The following EFNA5 variants were observed in gnomAD, a reference collection of about 807,000 sequenced individuals.
EFNA5 encodes ephrin A5.
A neutral mutation model predicts 22.9 loss-of-function variants in EFNA5; 5 were observed. That is an observed-to-expected ratio of 0.22 (90% confidence interval 0.11 to 0.46). The LOEUF is 0.46. Among genes scored for constraint, EFNA5 ranks in the 20% least tolerant of loss-of-function variants. The pLI is 0.99. For missense variants in EFNA5, 237 were observed against 293.3 expected (o/e 0.81, Z 1.40); for synonymous variants, 113 against 112.2 (o/e 1.01, Z -0.04).
chr5:107,582,158 A>T (rs1749086283), intron 1 of EFNA5, among the ~76,000 whole-genome samples: 2 of 152,214 alleles, frequency 1.3e-5, no homozygotes, highest in Non-Finnish European at 2.9e-5. Flanking sequence ...TCTAATAGAG[A>T]GATAAAATAT....
intron 1 of EFNA5, among the ~76,000 whole-genome samples, chr5:107,669,316 CAGTGAAAA>C (rs1310448875): frequency 6.6e-6 from 1 of 151,984 alleles, no homozygotes; most frequent in Non-Finnish European, 1.5e-5. Context: ...CACTCCAGCC[CAGTGAAAA>C]ACCTGTGACT....
chr5:107,661,872 C>A (rs565974750), intron 1 of EFNA5, among the ~76,000 whole-genome samples: 4 of 152,126 alleles, frequency 2.6e-5, no homozygotes, highest in African/African-American at 9.7e-5. Context: ...AATTATCCAA[C>A]CTAACTATGC....
intron 1 of EFNA5, among the ~76,000 whole-genome samples, chr5:107,503,752 A>G (rs896075203): frequency 6.6e-6 from 1 of 152,196 alleles, no homozygotes. Flanking sequence ...TAAAATTATT[A>G]TCTTCATAAC....
chr5:107,412,676 T>C (rs1370378658), intron 2 of EFNA5, among the ~76,000 whole-genome samples: 1 of 152,218 alleles, frequency 6.6e-6, no homozygotes, highest in East Asian at 1.9e-4. Context: ...TTGTACACGT[T>C]CAACTGACCA....
At chr5:107,666,700 T>A (rs1171756274) in intron 1 of EFNA5, among the ~76,000 whole-genome samples, 2 of 152,138 alleles carry the variant, frequency 1.3e-5, no homozygotes, top group Non-Finnish European at 2.9e-5. Flanking sequence ...TGCTGTATTA[T>A]TTGACTATTG....
rs996954665 is a variant in EFNA5, at chr5:107,544,706, C to T, written c.126-117197G>A. On this transcript the variant is annotated intron_variant, in intron 1 of 4. Coordinates refer to ENST00000333274, the MANE Select transcript of EFNA5 (RefSeq NM_001962.3). ...TGGGATATTCCTCAGTTATGGCACT[C>T]GTCACGTCACCCCATACTAGAATTA... is the stretch of plus-strand genomic sequence containing the variant. 2.6e-5 allele frequency among the ~76,000 whole-genome samples: 4 copies of T among 152,174 alleles called. No individual in the cohort carries two copies. In the East Asian group the frequency reaches 5.8e-4, roughly 22 times the overall value.
At chr5:107,569,588 T>TATATATATATATATATATAA (rs1748751796) in intron 1 of EFNA5, among the ~76,000 whole-genome samples, 2 of 92,360 alleles carry the variant, frequency 2.2e-5, no homozygotes, top group African/African-American at 3.6e-5. Context: ...TATATATATA[T>TATATATATATATATATATAA]ATATATATTC....
chr5:107,642,962 G>T (rs891776663), intron 1 of EFNA5, among the ~76,000 whole-genome samples: 1 of 148,502 alleles, frequency 6.7e-6, no homozygotes, highest in Non-Finnish European at 1.5e-5. Context: ...TAATCTAGAC[G>T]ATCTTGAAGG....
intron 1 of EFNA5, among the ~76,000 whole-genome samples, chr5:107,543,823 C>T (rs984535922): frequency 2.0e-5 from 3 of 152,150 alleles, no homozygotes; most frequent in Non-Finnish European, 4.4e-5. Flanking sequence ...GTGAAATGAT[C>T]GTGTGTATAA....
Position 107,521,727 on chromosome 5 carries a change from T to C in EFNA5, c.126-94218A>G, listed in dbSNP as rs1213023507. Among the ~76,000 whole-genome samples, 3 of 152,128 alleles carry C rather than the reference T, an allele frequency of 2.0e-5. No individual in the cohort carries two copies. In the East Asian group the frequency reaches 5.8e-4, roughly 29 times the overall value. On this transcript the variant is annotated intron_variant, in intron 1 of 4. Transcript: ENST00000333274. ...CCTGGGAAAAGATCAAAACCCAATA[T>C]TCAAAGTATAGTTTTGACTGAATGT...
intron 1 of EFNA5, among the ~76,000 whole-genome samples, chr5:107,618,761 T>C (rs1749974591): frequency 6.6e-6 from 1 of 152,174 alleles, no homozygotes; most frequent in Non-Finnish European, 1.5e-5. Flanking sequence ...GACTGCCTAA[T>C]TAATGGAATA....
intron 1 of EFNA5, among the ~76,000 whole-genome samples, chr5:107,606,604 C>T (rs1749730903): frequency 6.6e-6 from 1 of 150,776 alleles, no homozygotes; most frequent in African/African-American, 2.4e-5. Flanking sequence ...TGCGGTATAG[C>T]AGAATTTTTA....
At chr5:107,639,623 C>T (rs1750458945) in intron 1 of EFNA5, among the ~76,000 whole-genome samples, 1 of 152,108 alleles carries the variant, frequency 6.6e-6, no homozygotes, top group Admixed American at 6.6e-5. Flanking sequence ...GTATTAAGTG[C>T]CCAGCACAGG....
At chr5:107,461,274 T>A (rs1042400089) in intron 1 of EFNA5, among the ~76,000 whole-genome samples, 1 of 152,088 alleles carries the variant, frequency 6.6e-6, no homozygotes, top group African/African-American at 2.4e-5. Context: ...AATCACAACA[T>A]CTAAGCAGTT....
At chr5:107,605,488 T>A (rs1225272451) in intron 1 of EFNA5, among the ~76,000 whole-genome samples, 2 of 152,158 alleles carry the variant, frequency 1.3e-5, no homozygotes. Context: ...GCAATAAACC[T>A]GAGCTACCTA....
At chr5:107,636,927 C>A (rs907779135) in intron 1 of EFNA5, among the ~76,000 whole-genome samples, 1 of 152,186 alleles carries the variant, frequency 6.6e-6, no homozygotes, top group Non-Finnish European at 1.5e-5. Context: ...CAGAGCAAAG[C>A]AAGCATTTCA....
At chr5:107,564,945 A>G (rs1340151879) in intron 1 of EFNA5, among the ~76,000 whole-genome samples, 1 of 152,158 alleles carries the variant, frequency 6.6e-6, no homozygotes, top group Non-Finnish European at 1.5e-5. Flanking sequence ...GTGCTTGGCC[A>G]GTAAGTAAGT....
intron 1 of EFNA5, among the ~76,000 whole-genome samples, chr5:107,490,084 T>C (rs1368975413): frequency 6.6e-6 from 1 of 152,168 alleles, no homozygotes; most frequent in African/African-American, 2.4e-5. Context: ...GCTTGAACCA[T>C]GGGGGACCAG....
At chr5:107,668,237 A>G (rs1751115459) in intron 1 of EFNA5, among the ~76,000 whole-genome samples, 1 of 152,212 alleles carries the variant, frequency 6.6e-6, no homozygotes, top group South Asian at 2.1e-4. Context: ...AAGTTAGAAT[A>G]CCGATTTAGA....
Sources: gnomAD v4.1 joint callset for allele counts (sites outside exome capture counted in the v4.1 genomes callset) on GRCh38, gnomAD v4.1.1 for gene constraint, MANE v1.5 for transcripts, NCBI Gene and HGNC (gene_info 2026-07-23, HGNC 2026-07-21) for gene names.